KIRREL3: variants seen among roughly 807,000 people sequenced by gnomAD.
KIRREL3 encodes the protein kirre like nephrin family adhesion molecule 3, also known as kin of IRRE-like protein 3.
In KIRREL3, 36 loss-of-function variants were observed where a neutral mutation model predicts 89.7. That is an observed-to-expected ratio of 0.40 (90% confidence interval 0.31 to 0.53). The LOEUF (loss-of-function observed/expected upper bound fraction) is 0.53. Ranked by LOEUF, KIRREL3 falls within the 20% of genes least tolerant of loss-of-function variation. The pLI, the probability that KIRREL3 is intolerant of heterozygous loss-of-function variation, is 0.49. For synonymous variants in KIRREL3, 445 were observed against 441.4 expected (o/e 1.01, Z -0.10); for missense variants, 864 against 1,056.6 (o/e 0.82, Z 2.53).
At chr11:126,899,683 C>A (rs1179720810) in intron 1 of KIRREL3, among the ~76,000 whole-genome samples, 3 of 152,210 alleles carry the variant, frequency 2.0e-5, no homozygotes, top group African/African-American at 7.2e-5. Context: ...GCAAAAGGTG[C>A]TATCAAGTGA....
intron 5 of KIRREL3, among the ~76,000 whole-genome samples, chr11:126,465,271 T>TA (rs2134259469): frequency 6.6e-6 from 1 of 152,212 alleles, no homozygotes; most frequent in African/African-American, 2.4e-5. Context: ...CTCTAATTCT[T>TA]ATGAGGGCCC....
At chr11:126,597,266 T>C (rs535085073) in intron 1 of KIRREL3, among the ~76,000 whole-genome samples, 59 of 152,298 alleles carry the variant, frequency 3.9e-4, no homozygotes, top group African/African-American at 1.4e-3. Flanking sequence ...ACTCTGCAGC[T>C]CCGCAATGTC....
chr11:126,801,875 C>T (rs1004987599), intron 1 of KIRREL3, among the ~76,000 whole-genome samples: 5 of 152,004 alleles, frequency 3.3e-5, no homozygotes, highest in Non-Finnish European at 5.9e-5. Context: ...TTCAAGGCTG[C>T]GGTGAACTCT....
At chr11:126,695,257 G>A (rs931155984) in intron 1 of KIRREL3, among the ~76,000 whole-genome samples, 1 of 152,142 alleles carries the variant, frequency 6.6e-6, no homozygotes, top group Non-Finnish European at 1.5e-5. Context: ...CTGAGCCTCA[G>A]AGAAAGGAAG....
Position 126,424,407 on chromosome 11 carries a change from A to G in KIRREL3, c.*173T>C. On this transcript the variant is annotated 3_prime_UTR_variant, in exon 17 of 17. Transcript: ENST00000525144. ...CACCTCTGGCACACAGCACCTGGGG[A>G]CCCAGATTTGTGCTTGATCAGAGCT... 21 of 397,880 alleles carry G rather than the reference A, an allele frequency of 5.3e-5. No homozygotes were observed. Among genetic ancestry groups the G allele is most frequent in the East Asian group, 1.2e-4 (2 of 16,334 alleles). The allele number at this position is 397,880 out of a possible 1,614,324, so 24.6% of individuals were successfully genotyped here.
rs377405637 is a variant in KIRREL3 at position 126,744,753 on chromosome 11, T to C, written c.56-181841A>G. Among the ~76,000 whole-genome samples, 1 of 152,072 alleles carries C rather than the reference T, an allele frequency of 6.6e-6. No homozygotes were observed. The highest frequency in any genetic ancestry group is 2.4e-5 in the African/African-American group (1 of 41,412). On this transcript the variant is annotated intron_variant, in intron 1 of 16. Coordinates refer to ENST00000525144, the MANE Select transcript of KIRREL3 (RefSeq NM_032531.4). This position sits in a 1 kb window ranked among gnomAD's most constrained non-coding sequence, Gnocchi z 4.7. ...CTATTCTTTATAATGCTCATGCCAATGTCAATGTTTTGAATGCTGCCTTCC... is the reference window on the plus strand; with the variant it reads ...CTATTCTTTATAATGCTCATGCCAACGTCAATGTTTTGAATGCTGCCTTCC...
intron 4 of KIRREL3, among the ~76,000 whole-genome samples, chr11:126,473,903 C>T (rs1250168918): frequency 1.3e-5 from 2 of 152,174 alleles, no homozygotes; most frequent in East Asian, 1.9e-4. Context: ...AAGTGATTCT[C>T]CTGCCTTAGC....
chr11:126,511,992 G>A (rs1383304661), intron 4 of KIRREL3, among the ~76,000 whole-genome samples: 3 of 152,206 alleles, frequency 2.0e-5, no homozygotes, highest in South Asian at 4.1e-4. Flanking sequence ...GGATGCCCAG[G>A]AAGCTGGAGC....
intron 6 of KIRREL3, among the ~76,000 whole-genome samples, chr11:126,457,259 G>GTA: frequency 1.4e-5 from 2 of 145,522 alleles, no homozygotes; most frequent in Non-Finnish European, 3.1e-5. Flanking sequence ...GTGTATGTGT[G>GTA]TATGCATGTG....
rs1396614672 is a variant in KIRREL3 at position 126,855,714 on chromosome 11, C to T, written c.55+144741G>A. ...TCACCAGCCTTTCCAGTCCTGAGAG[C>T]TTATCCTCCTTTGCTTCCCTGGCTG... On this transcript the variant is annotated intron_variant, in intron 1 of 16. Coordinates refer to ENST00000525144, the MANE Select transcript of KIRREL3 (RefSeq NM_032531.4). Among the ~76,000 whole-genome samples the T allele has an allele frequency of 3.3e-5, 5 of 152,340 alleles. No homozygotes were observed. In the East Asian group the frequency reaches 9.6e-4, roughly 29 times the overall value.
chr11:126,758,888 T>G (rs1949586882), intron 1 of KIRREL3, among the ~76,000 whole-genome samples: 1 of 152,210 alleles, frequency 6.6e-6, no homozygotes, highest in African/African-American at 2.4e-5. Flanking sequence ...CAAAATGGAA[T>G]GAGACCTCTT....
At chr11:126,473,140 CT>C (rs1956968379) in intron 5 of KIRREL3, among the ~76,000 whole-genome samples, 168 bp downstream of exon 5, 1 of 46,540 alleles carries the variant, frequency 2.1e-5, no homozygotes, top group South Asian at 8.4e-4. Flanking sequence ...GCCTAACCCC[CT>C]CTCTACTTAA....
intron 1 of KIRREL3, among the ~76,000 whole-genome samples, chr11:126,779,958 G>A (rs898065844): frequency 6.6e-6 from 1 of 152,144 alleles, no homozygotes; most frequent in Non-Finnish European, 1.5e-5. Context: ...TGCATCACGA[G>A]AGGCAGAGCC....
chr11:126,771,826 G>A lies in KIRREL3; in HGVS notation c.56-208914C>T, dbSNP rs1220369983. The stretch of plus-strand genomic sequence containing the variant: ...TGGCTAATCCAGGTAGGCATGAATG[G>A]TATCTTGCAGACATCTACCCTGAAA... On this transcript the variant is annotated intron_variant, in intron 1 of 16. Transcript: ENST00000525144. This position sits in a 1 kb window ranked among gnomAD's most constrained non-coding sequence, Gnocchi z 4.4. Among the ~76,000 whole-genome samples, 1 of 152,214 alleles carries A rather than the reference G, an allele frequency of 6.6e-6. No homozygotes were observed. Among genetic ancestry groups the A allele is most frequent in the Non-Finnish European group, 1.5e-5 (1 of 68,040 alleles).
rs148811988 is a variant in KIRREL3, at chr11:126,585,624, G to A, written c.56-22712C>T. On this transcript the variant is annotated intron_variant, in intron 1 of 16. Transcript: ENST00000525144. ...TTTCTTAACAGAGTTTGGAAGCAGC[G>A]GACCGGATAGGAAAACTGCTTAGGG... is the stretch of plus-strand genomic sequence containing the variant. 2.2e-3 allele frequency among the ~76,000 whole-genome samples: 339 copies of A among 152,322 alleles called. 2 individuals are homozygous for A. Among genetic ancestry groups the A allele is most frequent in the African/African-American group, 6.7e-3 (279 of 41,578 alleles).
At chr11:126,438,026 A>G (rs1955424526) in intron 11 of KIRREL3, among the ~76,000 whole-genome samples, 1 of 152,200 alleles carries the variant, frequency 6.6e-6, no homozygotes, top group Non-Finnish European at 1.5e-5. Context: ...GTACACACAC[A>G]TACTCTGGGG....
rs553285093 is a variant in KIRREL3 at position 126,923,593 on chromosome 11, G to A, written c.55+76862C>T. Reference sequence around the variant, plus strand: ...CTAGCAGCTGGGATTACAGGCACCTGCCACCACGCTCAGCTAATTTTTTGT... The same window carrying A: ...CTAGCAGCTGGGATTACAGGCACCTACCACCACGCTCAGCTAATTTTTTGT... On this transcript the variant is annotated intron_variant, in intron 1 of 16. Transcript: ENST00000525144. Among the ~76,000 whole-genome samples the A allele has an allele frequency of 1.4e-4, 21 of 151,748 alleles. No homozygotes were observed. In the South Asian group the frequency reaches 2.5e-3, roughly 18 times the overall value.
At chr11:126,603,475 G>A (rs968285202) in intron 1 of KIRREL3, among the ~76,000 whole-genome samples, 24 of 152,224 alleles carry the variant, frequency 1.6e-4, no homozygotes, top group Non-Finnish European at 1.5e-5. Context: ...TGGGGGCCTT[G>A]ACTAAGCAGG....
intron 8 of KIRREL3, 90 bp from the exon 9 acceptor site, chr11:126,446,976 G>A: frequency 6.7e-7 from 1 of 1,484,354 alleles, no homozygotes; most frequent in Non-Finnish European, 9.1e-7. Context: ...CCTAGACCTT[G>A]ACTGGGGGGA....
Sources: gnomAD v4.1 joint callset for allele counts (sites outside exome capture counted in the v4.1 genomes callset) on GRCh38, gnomAD v4.1.1 for gene constraint, Gnocchi (gnomAD v3.1) non-coding constraint, MANE v1.5 for transcripts, NCBI Gene and HGNC (gene_info 2026-07-23, HGNC 2026-07-21) for gene names.